Variants in BIRC6 observed in about 807,000 individuals in gnomAD.
The protein encoded by BIRC6 is baculoviral IAP repeat containing 6.
In BIRC6, 98 loss-of-function variants were observed where a neutral mutation model predicts 503.3. The observed-to-expected ratio is 0.19, with a 90% confidence interval of 0.17 to 0.23. The LOEUF (loss-of-function observed/expected upper bound fraction) is 0.23. BIRC6 is among the 10% of genes least tolerant of loss of function. BIRC6 has a pLI of 1.00. For synonymous variants in BIRC6, 2,240 were observed against 2,078.7 expected, an observed-to-expected ratio of 1.08 and a Z score of -2.11; for missense variants, 5,360 against 5,806.0, an observed-to-expected ratio of 0.92 and a Z score of 2.50.
chr2:32,605,196 T>A (rs1261859603), intron 71 of BIRC6, among the ~76,000 whole-genome samples: 3 of 152,202 alleles, frequency 2.0e-5, no homozygotes, highest in Admixed American at 6.5e-5. Context: ...AGTTATTTTT[T>A]TCTGATCTTT....
In BIRC6 at chr2:32,442,186, C is replaced by G. The variant is rs1209125647; in HGVS notation, c.4066C>G (p.Leu1356Val). 1 of 1,609,546 alleles carries G rather than the reference C, an allele frequency of 6.2e-7. No individual in the cohort carries two copies. The highest frequency in any genetic ancestry group is 1.7e-4 in the Middle Eastern group (1 of 6,020). Residue 1356 changes from leucine (L) to valine (V), a missense_variant, in exon 18 of 74, where the codon CTC (leucine) becomes GTC (valine). By Grantham distance (32) the Leu-to-Val change is conservative. Around this residue, in one of 16 missense-constraint regions of BIRC6, gnomAD observed 2,299 missense variants for 2,267.2 expected, o/e 1.01. Coordinates refer to ENST00000421745, the MANE Select transcript of BIRC6 (RefSeq NM_016252.4). ...EHAQSLVLDT[L>V]CWLAGVHSNG... is the part of the protein sequence containing the mutation. Reference sequence around the variant, plus strand: ...TGCCCAGAGCCTTGTGTTGGATACTCTCTGTTGGTTAGCTGGAGTTCATTC... The same window carrying G: ...TGCCCAGAGCCTTGTGTTGGATACTGTCTGTTGGTTAGCTGGAGTTCATTC...
Position 32,415,202 on chromosome 2 carries a change from A to T in BIRC6, c.1911A>T (p.Glu637Asp). Residue 637 changes from glutamate (E) to aspartate (D), a missense_variant, in exon 10 of 74, where the codon GAA becomes GAT. Glu to Asp is a conservative substitution (Grantham distance 45). This residue lies in a region of BIRC6 where 700 missense variants were observed against 739.3 expected (regional missense o/e 0.95). Coordinates refer to ENST00000421745, the MANE Select transcript of BIRC6 (RefSeq NM_016252.4). The stretch of plus-strand genomic sequence containing the variant: ...TTTTGCTTCTTTATAGCATCAAGGA[A>T]TCTGATGAGAAAGCAGGAAAGATCT... The part of the protein sequence containing the change: ...LPVLLLYSIK[E>D]SDEKAGKIFS... The T allele has an allele frequency of 6.2e-7, 1 of 1,613,976 alleles. No individual in the cohort carries two copies. Among genetic ancestry groups the T allele is most frequent in the Non-Finnish European group, 8.5e-7 (1 of 1,179,846 alleles).
At chr2:32,562,447 T>TGTG (rs2059260915) in intron 65 of BIRC6, among the ~76,000 whole-genome samples, 1 of 152,260 alleles carries the variant, frequency 6.6e-6, no homozygotes, top group Non-Finnish European at 1.5e-5. Flanking sequence ...AGTGGTATGT[T>TGTG]ATTTTTAACT....
chr2:32,435,067 A>C (rs2044548488), intron 13 of BIRC6, among the ~76,000 whole-genome samples: 1 of 152,070 alleles, frequency 6.6e-6, no homozygotes, highest in African/African-American at 2.4e-5. Context: ...ATGGATGACT[A>C]TATGTGTGTC....
intron 26 of BIRC6, among the ~76,000 whole-genome samples, chr2:32,466,664 C>T (rs537037538): frequency 6.6e-6 from 1 of 152,026 alleles, no homozygotes; most frequent in African/African-American, 2.4e-5. Context: ...GCAGATTGAT[C>T]CTTTACAAAA....
At chr2:32,548,429 C>T (rs1256084755) in intron 64 of BIRC6, among the ~76,000 whole-genome samples, 1 of 132,604 alleles carries the variant, frequency 7.5e-6, no homozygotes, top group Non-Finnish European at 1.5e-5. Context: ...AGTGCAGTGG[C>T]GTGATCTCAG....
At chr2:32,494,375 G>A (rs570301346) in intron 45 of BIRC6, among the ~76,000 whole-genome samples, 6 of 151,422 alleles carry the variant, frequency 4.0e-5, no homozygotes, top group Admixed American at 1.3e-4. Flanking sequence ...TTACAGGCAC[G>A]CACCACCACA....
chr2:32,357,280 G>A lies in BIRC6; in HGVS notation c.119G>A (p.Gly40Asp). The A allele has an allele frequency of 6.6e-7, 1 of 1,524,900 alleles. No individual in the cohort carries two copies. 94.5% of individuals were successfully genotyped at this position (1,524,900 alleles called of 1,614,324 possible). ...AAAAAAASGP[G>D]CSSAAGAGAA... ...GCGGCTGCGGCGGCCTCGGGCCCCG[G>A]CTGCTCCTCGGCGGCGGGGGCGGGG... The change falls in exon 1 of 74, where the codon GGC becomes GAC. Residue 40 changes from glycine (G) to aspartate (D), a missense_variant. Gly to Asp is a moderately conservative substitution (Grantham distance 94). Around this residue, in one of 16 missense-constraint regions of BIRC6, gnomAD observed 145 missense variants for 106.9 expected, o/e 1.36. Coordinates refer to ENST00000421745, the MANE Select transcript of BIRC6 (RefSeq NM_016252.4). This position sits in a 1 kb window ranked among gnomAD's most constrained non-coding sequence, Gnocchi z 4.9.
intron 61 of BIRC6, 138 bp from the exon 62 acceptor site, chr2:32,543,103 A>G (rs2057799947): frequency 3.0e-6 from 3 of 1,016,158 alleles, no homozygotes; most frequent in Non-Finnish European, 4.2e-6. Context: ...CCCGGCTGGA[A>G]GCTTGTTTTT....
intron 64 of BIRC6, chr2:32,548,891 G>T: frequency 6.5e-6 from 1 of 153,354 alleles, no homozygotes; most frequent in Non-Finnish European, 1.5e-5. Flanking sequence ...GAAAAGGTTA[G>T]CTTTGCTTCC....
intron 53 of BIRC6, among the ~76,000 whole-genome samples, chr2:32,511,025 C>G (rs959879152): frequency 1.3e-5 from 2 of 152,038 alleles, no homozygotes; most frequent in African/African-American, 4.8e-5. Context: ...GTAGTTGGTA[C>G]TTCAACTGTT....
chr2:32,473,288 TG>T, intron 33 of BIRC6, 49 bp downstream of exon 33: 1 of 1,449,534 alleles, frequency 6.9e-7, no homozygotes, highest in Non-Finnish European at 9.3e-7. Flanking sequence ...AATATTGTTT[TG>T]GAGTTTGCAT....
At chr2:32,478,062 T>C (rs2049965951) in intron 35 of BIRC6, among the ~76,000 whole-genome samples, 1 of 152,108 alleles carries the variant, frequency 6.6e-6, no homozygotes, top group Non-Finnish European at 1.5e-5. Flanking sequence ...GACTTTTGAC[T>C]GGGTGTGGTG....
At chr2:32,544,630 G>A (rs1189553016) in intron 62 of BIRC6, among the ~76,000 whole-genome samples, 1 of 151,418 alleles carries the variant, frequency 6.6e-6, no homozygotes, top group Non-Finnish European at 1.5e-5. Flanking sequence ...AGAATAAAAT[G>A]TTAAGTTCTG....
At chr2:32,535,993 G>A (rs893721839) in intron 61 of BIRC6, among the ~76,000 whole-genome samples, 1 of 152,134 alleles carries the variant, frequency 6.6e-6, no homozygotes, top group East Asian at 1.9e-4. Context: ...TTAATGTTCG[G>A]CATTCTAAGT....
At chr2:32,434,076 T>G (rs1255890701) in intron 13 of BIRC6, among the ~76,000 whole-genome samples, 1 of 152,256 alleles carries the variant, frequency 6.6e-6, no homozygotes, top group Non-Finnish European at 1.5e-5. Context: ...GTTTGACTTT[T>G]AGCATTACTA....
intron 9 of BIRC6, among the ~76,000 whole-genome samples, chr2:32,410,475 A>G (rs928614721): frequency 2.0e-5 from 3 of 152,230 alleles, no homozygotes; most frequent in African/African-American, 7.2e-5. Context: ...TCATGTTTAT[A>G]CTGAAAATTT....
Position 32,488,578 on chromosome 2 carries a change from T to C in BIRC6, c.7969-10T>C. 6.6e-7 allele frequency: 1 copy of C among 1,512,930 alleles called. No homozygotes were observed. The highest frequency in any genetic ancestry group is 8.8e-7 in the Non-Finnish European group (1 of 1,132,388). 93.7% of individuals were successfully genotyped at this position (1,512,930 alleles called of 1,614,324 possible). ...ACATTTTTCTCCTGTTGATTTTCAT[T>C]CTTTTTCAGTTGGAGTCACTTCTCC... On this transcript the variant is annotated splice_polypyrimidine_tract_variant and intron_variant, in intron 41 of 73. Transcript: ENST00000421745.
rs1558943407 is a variant in BIRC6, at chr2:32,514,969, AT to A, written c.10569-20del. On this transcript the variant is annotated intron_variant, in intron 54 of 73. Coordinates refer to ENST00000421745, the MANE Select transcript of BIRC6 (RefSeq NM_016252.4). ...CTAAAAATATACTTGTATCATTAAT[AT>A]GATATCTTTTATTTTTTAGGTTACT... 1 of 1,551,406 alleles carries A rather than the reference AT, an allele frequency of 6.4e-7. No individual in the cohort carries two copies. The highest frequency in any genetic ancestry group is 1.1e-5 in the South Asian group (1 of 87,552).
Sources: allele counts gnomAD v4.1 joint callset (sites outside exome capture counted in the v4.1 genomes callset), GRCh38; gene constraint gnomAD v4.1.1; regional missense constraint gnomAD v4.1.1; non-coding constraint Gnocchi (gnomAD v3.1); transcripts MANE v1.5; gene names NCBI Gene and HGNC (gene_info 2026-07-23, HGNC 2026-07-21).